ARHGEF3: variants seen among roughly 807,000 people sequenced by gnomAD.
ARHGEF3 encodes 59.8 kDA protein.
In ARHGEF3, 28 loss-of-function variants were observed where a neutral mutation model predicts 63.2. The observed-to-expected ratio is 0.44, with a 90% CI of 0.33 to 0.61. The LOEUF (loss-of-function observed/expected upper bound fraction) is 0.61. Ranked by LOEUF, ARHGEF3 falls within the 20% of genes least tolerant of loss-of-function variation. ARHGEF3 has a pLI of 0.03. For synonymous variants in ARHGEF3, 266 were observed against 254.2 expected (o/e 1.05, Z -0.44); for missense variants, 533 against 659.3 (o/e 0.81, Z 2.10).
At chr3:56,980,321 A>T (rs4289317) in intron 2 of ARHGEF3, among the ~76,000 whole-genome samples, 12 of 152,180 alleles carry the variant, frequency 7.9e-5, no homozygotes, top group South Asian at 2.1e-4. Flanking sequence ...ATTATTAAAC[A>T]CAAAGCCTGT....
chr3:56,831,933 G>A (rs2038945568), intron 4 of ARHGEF3, among the ~76,000 whole-genome samples: 1 of 152,242 alleles, frequency 6.6e-6, no homozygotes, highest in Non-Finnish European at 1.5e-5. Context: ...TAGACTCAAG[G>A]AAGAGTCAGA....
chr3:57,034,656 C>CTTTTTT (rs34696155), intron 2 of ARHGEF3, among the ~76,000 whole-genome samples: 3 of 109,514 alleles, frequency 2.7e-5, no homozygotes, highest in African/African-American at 7.3e-5. Flanking sequence ...ACTCCAAATT[C>CTTTTTT]TTTTTTTTTT....
At chr3:56,855,860 T>C (rs183426547) in intron 4 of ARHGEF3, among the ~76,000 whole-genome samples, 1 of 152,264 alleles carries the variant, frequency 6.6e-6, no homozygotes, top group East Asian at 1.9e-4. Flanking sequence ...ACAGTTACCG[T>C]CAGAAAAGGC....
chr3:56,850,471 G>C (rs1202621115), intron 4 of ARHGEF3, among the ~76,000 whole-genome samples: 4 of 152,218 alleles, frequency 2.6e-5, no homozygotes, highest in African/African-American at 9.7e-5. Flanking sequence ...AGAGGTTGCA[G>C]TGAGCTGAGA....
intron 4 of ARHGEF3, among the ~76,000 whole-genome samples, chr3:56,828,168 A>G (rs942034194): frequency 6.6e-6 from 1 of 152,178 alleles, no homozygotes; most frequent in Admixed American, 6.5e-5. Context: ...AGAAGGGTTA[A>G]GTGACTTGCT....
chr3:56,765,561 G>C (rs186634746), intron 2 of ARHGEF3, among the ~76,000 whole-genome samples: 1 of 152,260 alleles, frequency 6.6e-6, no homozygotes, highest in East Asian at 1.9e-4. Flanking sequence ...ATGGAAATCA[G>C]CACATATGCT....
In ARHGEF3 at chr3:57,071,715, C is replaced by A. The variant is rs115033987; in HGVS notation, c.-28+7511G>T. ...TAAGTTTTCATGACCTTGCATCAGG[C>A]AAAGGTTTCTTACGTATGACACCAA... is the stretch of plus-strand genomic sequence containing the variant. On this transcript the variant is annotated intron_variant, in intron 1 of 12. Transcript: ENST00000338458. 5.9e-4 allele frequency among the ~76,000 whole-genome samples: 89 copies of A among 150,322 alleles called. 1 individual carries two copies. Among genetic ancestry groups the A allele is most frequent in the African/African-American group, 2.1e-3 (88 of 40,946 alleles).
At chr3:56,797,738 T>C (rs537504462) in intron 1 of ARHGEF3, among the ~76,000 whole-genome samples, 88 of 152,338 alleles carry the variant, frequency 5.8e-4, no homozygotes, top group African/African-American at 2.1e-3. Flanking sequence ...AGGGTTCACC[T>C]TGCCCTTTAG....
chr3:56,868,224 T>C (rs1459254874), intron 4 of ARHGEF3, among the ~76,000 whole-genome samples: 2 of 152,178 alleles, frequency 1.3e-5, no homozygotes, highest in Non-Finnish European at 2.9e-5. Flanking sequence ...AGAGCACAGA[T>C]GCAAAGCCCA....
At chr3:56,933,823 GTAATCCCCA>G (rs1420681358) in intron 3 of ARHGEF3, among the ~76,000 whole-genome samples, 2 of 152,180 alleles carry the variant, frequency 1.3e-5, no homozygotes, top group African/African-American at 2.4e-5. Flanking sequence ...CTCTCAAATT[GTAATCCCCA>G]TAATCCCCAC....
At chr3:56,745,874 T>C (rs1156650903) in intron 6 of ARHGEF3, among the ~76,000 whole-genome samples, 1 of 152,204 alleles carries the variant, frequency 6.6e-6, no homozygotes, top group Non-Finnish European at 1.5e-5. Flanking sequence ...GGTTTCAACG[T>C]GTTAGCCAGC....
chr3:56,826,410 G>A (rs1332663397), intron 4 of ARHGEF3, among the ~76,000 whole-genome samples: 5 of 152,060 alleles, frequency 3.3e-5, no homozygotes, highest in Admixed American at 3.3e-4. Flanking sequence ...CACTATTCAG[G>A]ATTTATATTA....
intron 2 of ARHGEF3, among the ~76,000 whole-genome samples, chr3:56,757,097 T>C (rs76800804): frequency 4.6e-3 from 704 of 152,350 alleles, no homozygotes; most frequent in African/African-American, 0.016. Context: ...TAGTTCCCAG[T>C]TATTTTGAGA....
intron 3 of ARHGEF3, among the ~76,000 whole-genome samples, chr3:56,947,044 G>A (rs1455352865): frequency 3.9e-5 from 6 of 152,158 alleles, no homozygotes; most frequent in Non-Finnish European, 7.4e-5. Context: ...AGAAGTGAAG[G>A]AGAAATAAAA....
At chr3:56,752,047 G>A (rs1175186388) in intron 4 of ARHGEF3, among the ~76,000 whole-genome samples, 1 of 151,628 alleles carries the variant, frequency 6.6e-6, no homozygotes. Context: ...CTGATCTCAT[G>A]GAAAACTAAA....
intron 4 of ARHGEF3, among the ~76,000 whole-genome samples, chr3:56,751,979 T>G (rs1208592873): frequency 1.3e-5 from 2 of 152,150 alleles, no homozygotes; most frequent in African/African-American, 4.8e-5. Flanking sequence ...AGGAATTTTA[T>G]AAAGCTAATG....
At chr3:56,832,757 C>A (rs1297187558) in intron 4 of ARHGEF3, among the ~76,000 whole-genome samples, 1 of 152,210 alleles carries the variant, frequency 6.6e-6, no homozygotes, top group East Asian at 1.9e-4. Context: ...AACCCTGTAT[C>A]TCCCAAATCT....
upstream of ARHGEF3, among the ~76,000 whole-genome samples, chr3:56,804,092 C>T (rs898304845): frequency 5.9e-5 from 9 of 151,988 alleles, no homozygotes; most frequent in African/African-American, 2.2e-4. Flanking sequence ...CCATGTTTGC[C>T]CAGGCTGGTC....
chr3:56,840,437 G>T (rs1222759143), intron 4 of ARHGEF3, among the ~76,000 whole-genome samples: 1 of 152,180 alleles, frequency 6.6e-6, no homozygotes, highest in East Asian at 1.9e-4. Flanking sequence ...GAAGGTTGAG[G>T]CTCCAAGTAT....
Sources: gnomAD v4.1 joint callset for allele counts (sites outside exome capture counted in the v4.1 genomes callset) on GRCh38, gnomAD v4.1.1 for gene constraint, MANE v1.5 for transcripts, NCBI Gene and HGNC (gene_info 2026-07-23, HGNC 2026-07-21) for gene names.